The following CDH18 variants were observed in gnomAD, a reference collection of about 807,000 sequenced individuals.
CDH18 encodes the protein cadherin 18.
A neutral mutation model predicts 67.9 loss-of-function variants in CDH18; 31 were observed. The observed-to-expected ratio is 0.46, with a 90% CI of 0.34 to 0.62. CDH18 has a LOEUF of 0.62. Among genes scored for constraint, CDH18 ranks in the 20% least tolerant of loss-of-function variants. CDH18 has a pLI of 0.01. For missense variants in CDH18, 890 were observed against 975.5 expected, an observed-to-expected ratio of 0.91 and a Z score of 1.17; for synonymous variants, 362 against 347.2, an observed-to-expected ratio of 1.04 and a Z score of -0.48.
chr5:19,986,092 AC>A (rs1258668490), intron 1 of CDH18, among the ~76,000 whole-genome samples: 1 of 152,152 alleles, frequency 6.6e-6, no homozygotes, highest in Non-Finnish European at 1.5e-5. Flanking sequence ...AGCCAATGGG[AC>A]AAAAAGTACT....
rs143489917 is a variant in CDH18, at chr5:20,423,384, C to T, written c.-580+152078G>A. On this transcript the variant is annotated intron_variant, in intron 1 of 14. Coordinates refer to the CDH18 transcript ENST00000507958. ...ATCCATATACCCATGTACACATACA[C>T]GAAATTGGAGCATATAATAAGGATT... Among the ~76,000 whole-genome samples the T allele has an allele frequency of 4.2e-4, 64 of 151,164 alleles. 5 individuals are homozygous for T. The highest frequency in any genetic ancestry group is 1.4e-3 in the African/African-American group (55 of 40,554).
At chr5:19,599,536 C>T (rs986265784) in intron 6 of CDH18, among the ~76,000 whole-genome samples, 2 of 152,188 alleles carry the variant, frequency 1.3e-5, no homozygotes, top group African/African-American at 4.8e-5. Flanking sequence ...AAAGAACACC[C>T]CCAGTTATTA....
chr5:20,270,128 A>T (rs1745328694), intron 1 of CDH18, among the ~76,000 whole-genome samples: 1 of 151,602 alleles, frequency 6.6e-6, no homozygotes, highest in South Asian at 2.1e-4. Context: ...AAGTAAAAAT[A>T]AATAAAATGA....
At chr5:20,132,150 A>G (rs1369899724) in intron 2 of CDH18, among the ~76,000 whole-genome samples, 2 of 152,108 alleles carry the variant, frequency 1.3e-5, no homozygotes, top group African/African-American at 2.4e-5. Flanking sequence ...GGGCCTCCCA[A>G]AATGCTTGGA....
intron 1 of CDH18, among the ~76,000 whole-genome samples, chr5:20,353,342 AAATAG>A (rs761890021): frequency 1.3e-5 from 2 of 152,202 alleles, no homozygotes; most frequent in Non-Finnish European, 2.9e-5. Context: ...TCAATAAGAC[AAATAG>A]AATGACCACA....
chr5:20,090,801 G>A (rs997170955), intron 2 of CDH18, among the ~76,000 whole-genome samples: 6 of 151,938 alleles, frequency 3.9e-5, no homozygotes, highest in African/African-American at 1.4e-4. Context: ...AGGCCAAGGC[G>A]GCCAGATCAC....
intron 5 of CDH18, among the ~76,000 whole-genome samples, chr5:19,625,819 C>A (rs758602890): frequency 2.5e-4 from 38 of 151,702 alleles, no homozygotes; most frequent in African/African-American, 1.2e-4. Flanking sequence ...GGAGGAGAAG[C>A]CTGGCCCCTC....
intron 3 of CDH18, among the ~76,000 whole-genome samples, chr5:19,754,502 C>T (rs149785745): frequency 6.6e-6 from 1 of 152,018 alleles, no homozygotes; most frequent in African/African-American, 2.4e-5. Context: ...CTGGAGATCC[C>T]AAATTTATGA....
In CDH18 at chr5:20,211,835, C is replaced by T. The variant is rs138948587; in HGVS notation, c.-518+43609G>A. On this transcript the variant is annotated intron_variant, in intron 2 of 14. Transcript: ENST00000507958. Reference sequence around the variant, plus strand: ...CAACACAGATGGGGAGAAACCAGAACAGAAAAGCTGAAAATTCTAAAAATC... The same window carrying T: ...CAACACAGATGGGGAGAAACCAGAATAGAAAAGCTGAAAATTCTAAAAATC... Among the ~76,000 whole-genome samples, 91 of 151,204 alleles carry T rather than the reference C, an allele frequency of 6.0e-4. No homozygotes were observed. In the South Asian group the frequency reaches 0.017, roughly 28 times the overall value.
chr5:20,032,794 A>T (rs1014360773), intron 2 of CDH18, among the ~76,000 whole-genome samples: 2 of 152,142 alleles, frequency 1.3e-5, no homozygotes, highest in Middle Eastern at 3.4e-3. Context: ...AAAAAATAAT[A>T]AGTTGTTGTT....
chr5:19,825,921 G>A (rs937651930), intron 3 of CDH18, among the ~76,000 whole-genome samples: 6 of 152,244 alleles, frequency 3.9e-5, no homozygotes, highest in Admixed American at 2.6e-4. Flanking sequence ...TTAGAACATG[G>A]ATAGGAATGA....
rs187369129 is a variant in CDH18, at chr5:19,622,922, T to C, written c.644-10321A>G. ...AATTTCCTGGCTTCCAAAATTCTTG[T>C]TTTGAAAGCTCTCCATAGTAGTTTG... is the stretch of plus-strand genomic sequence containing the variant. On this transcript the variant is annotated intron_variant, in intron 5 of 12. Coordinates refer to ENST00000382275, the MANE Select transcript of CDH18 (RefSeq NM_004934.5). 5.4e-4 allele frequency among the ~76,000 whole-genome samples: 82 copies of C among 152,320 alleles called. No homozygotes were observed. In the Middle Eastern group the frequency reaches 0.014, roughly 25 times the overall value.
intron 2 of CDH18, among the ~76,000 whole-genome samples, chr5:20,056,112 C>G: frequency 7.0e-6 from 1 of 143,230 alleles, no homozygotes; most frequent in South Asian, 2.3e-4. Flanking sequence ...TCAAGCAATT[C>G]TCCTGTCTCA....
intron 2 of CDH18, among the ~76,000 whole-genome samples, chr5:20,198,350 G>A (rs1222580579): frequency 6.6e-6 from 1 of 152,130 alleles, no homozygotes; most frequent in Non-Finnish European, 1.5e-5. Context: ...TGAAGTCCAG[G>A]CTGAAGTGAT....
At chr5:20,031,243 T>C (rs1739367874) in intron 2 of CDH18, among the ~76,000 whole-genome samples, 1 of 152,132 alleles carries the variant, frequency 6.6e-6, no homozygotes, top group South Asian at 2.1e-4. Context: ...GGTTGGATTA[T>C]TATGATGAAT....
intron 6 of CDH18, among the ~76,000 whole-genome samples, chr5:19,607,291 T>C (rs1264332426): frequency 2.0e-5 from 3 of 151,340 alleles, no homozygotes; most frequent in Non-Finnish European, 4.4e-5. Flanking sequence ...AATAATGATT[T>C]GCTATTTAAC....
At chr5:20,390,800 T>C (rs190047840) in intron 1 of CDH18, among the ~76,000 whole-genome samples, 1,523 of 152,274 alleles carry the variant, frequency 0.01, 25 homozygotes, top group African/African-American at 0.033. Flanking sequence ...TGGAATACCA[T>C]GCAGCCATAA....
At chr5:20,262,158 T>G (rs2126636143) in intron 1 of CDH18, among the ~76,000 whole-genome samples, 1 of 152,252 alleles carries the variant, frequency 6.6e-6, no homozygotes, top group South Asian at 2.1e-4. Flanking sequence ...GTAAGCCAAT[T>G]TTGTTATAAC....
At chr5:20,075,740 T>A (rs936753920) in intron 2 of CDH18, among the ~76,000 whole-genome samples, 1 of 152,218 alleles carries the variant, frequency 6.6e-6, no homozygotes, top group African/African-American at 2.4e-5. Flanking sequence ...GCATACAAGG[T>A]CTGTGCATTT....
Sources: allele counts gnomAD v4.1 joint callset (sites outside exome capture counted in the v4.1 genomes callset), GRCh38; gene constraint gnomAD v4.1.1; transcripts MANE v1.5; gene names NCBI Gene and HGNC (gene_info 2026-07-23, HGNC 2026-07-21).